ARHGEF12: variants seen among roughly 807,000 people sequenced by gnomAD.
The protein encoded by ARHGEF12 is Rho guanine nucleotide exchange factor 12, also known as KMT2A/ARHGEF12 fusion protein.
ARHGEF12 carries 66 observed loss-of-function variants against 211.2 expected under a neutral mutation model. The ratio of observed to expected loss-of-function variants is 0.31; its 90% confidence interval spans 0.26 to 0.38. ARHGEF12 has a LOEUF of 0.38. Ranked by LOEUF, ARHGEF12 falls within the 10% of genes least tolerant of loss-of-function variation. ARHGEF12 has a pLI of 1.00. For synonymous variants in ARHGEF12, 592 were observed against 638.4 expected (o/e 0.93, Z 1.09); for missense variants, 1,429 against 1,869.5 (o/e 0.76, Z 4.34).
At chr11:120,450,632 G>A (rs1946182038) in intron 21 of ARHGEF12, 2 of 152,288 alleles carry the variant, frequency 1.3e-5, no homozygotes, top group South Asian at 2.1e-4. Flanking sequence ...GTGTGAGGGT[G>A]TAGGATGCTT....
At position 120,429,733 on chromosome 11, in the gene ARHGEF12, C is replaced by T. The variant is rs765313410; in HGVS notation, c.685C>T (p.Arg229Ter). The T allele has an allele frequency of 6.2e-7, 1 of 1,613,324 alleles. No homozygotes were observed. The highest frequency in any genetic ancestry group is 2.2e-5 in the East Asian group (1 of 44,848). ...RLQLLQEDYN[R>*]TPAQRLLKEI... ...TCAGTTATTGCAGGAAGATTACAACCGAACACCTGCCCAAAGATTGCTAAA... is the reference window on the plus strand; with the variant it reads ...TCAGTTATTGCAGGAAGATTACAACTGAACACCTGCCCAAAGATTGCTAAA... Residue 229 changes from arginine to a stop codon, truncating the protein, a stop_gained, in exon 10 of 41, where the codon CGA becomes TGA. Transcript: ENST00000397843. LOFTEE classifies it high-confidence loss of function.
chr11:120,389,529 T>C (rs567758495), intron 1 of ARHGEF12, among the ~76,000 whole-genome samples: 3 of 152,222 alleles, frequency 2.0e-5, no homozygotes, highest in Non-Finnish European at 4.4e-5. Context: ...TATTTTGATA[T>C]AGGCATGCAA....
intron 1 of ARHGEF12, among the ~76,000 whole-genome samples, chr11:120,342,286 C>A (rs1251353464): frequency 6.6e-6 from 1 of 152,084 alleles, no homozygotes; most frequent in East Asian, 1.9e-4. Flanking sequence ...GAGGATAAAG[C>A]TTTTGTCACT....
chr11:120,347,248 C>A (rs931900617), intron 1 of ARHGEF12, among the ~76,000 whole-genome samples: 1 of 108,376 alleles, frequency 9.2e-6, no homozygotes, highest in African/African-American at 3.8e-5. Flanking sequence ...CTCTCTGTTT[C>A]TCTCTCTCTC....
intron 1 of ARHGEF12, among the ~76,000 whole-genome samples, chr11:120,381,684 C>A (rs1943884091): frequency 6.6e-6 from 1 of 152,126 alleles, no homozygotes; most frequent in Non-Finnish European, 1.5e-5. Context: ...TGTTGAAGTT[C>A]ACTCTTTGTA....
rs1210762441 is a variant in ARHGEF12, at chr11:120,446,978, T to C, written c.1482T>C (p.Ala494=). 6.2e-7 allele frequency: 1 copy of C among 1,614,204 alleles called. No individual in the cohort carries two copies. Among genetic ancestry groups the C allele is most frequent in the Non-Finnish European group, 8.5e-7 (1 of 1,180,020 alleles). The change falls in exon 18 of 41, where the codon GCT becomes GCC. Residue 494 remains alanine, a synonymous_variant. Coordinates refer to ENST00000397843, the MANE Select transcript of ARHGEF12 (RefSeq NM_015313.3). ...AACGTAGTATGGGACTGACCTTGGC[T>C]GAAAGCGAGCTGACTAAACTTGATG... ...RQKRSMGLTL[A]ESELTKLDAE...
intron 1 of ARHGEF12, among the ~76,000 whole-genome samples, chr11:120,342,951 G>A (rs1358130129): frequency 2.0e-5 from 3 of 151,958 alleles, no homozygotes. Flanking sequence ...TTTTCAGTTC[G>A]TTATCTTAAA....
chr11:120,357,768 C>T (rs1352067611), intron 1 of ARHGEF12, among the ~76,000 whole-genome samples: 2 of 152,156 alleles, frequency 1.3e-5, no homozygotes, highest in African/African-American at 4.8e-5. Context: ...CAAGGTTTTG[C>T]TGTGTTGGCC....
At chr11:120,409,525 C>G in intron 4 of ARHGEF12, 75 bp downstream of exon 4, 2 of 1,346,478 alleles carry the variant, frequency 1.5e-6, no homozygotes, top group Non-Finnish European at 2.1e-6. Flanking sequence ...TCTTTTTTTC[C>G]TTTCTTTCTT....
At position 120,447,957 on chromosome 11, in the gene ARHGEF12, GT is replaced by G. The variant is rs367818189; in HGVS notation, c.1622+58del. On this transcript the variant is annotated intron_variant, in intron 19 of 40. Transcript: ENST00000397843. ...AGAATTTTAAGAAAAAAAGAACTAT[GT>G]TTTTTTCCTTTCAGTCCTAAATTAC... 5.6e-5 allele frequency: 77 copies of G among 1,371,798 alleles called. No homozygotes were observed. In the Middle Eastern group the frequency reaches 9.4e-4, roughly 17 times the overall value. 85.0% of individuals were successfully genotyped at this position (1,371,798 alleles called of 1,614,324 possible).
chr11:120,405,634 A>G (rs1944677669), intron 1 of ARHGEF12, among the ~76,000 whole-genome samples: 1 of 152,218 alleles, frequency 6.6e-6, no homozygotes, highest in East Asian at 1.9e-4. Context: ...TTTGGGAAGT[A>G]GTGTGAAGTG....
chr11:120,341,508 G>A (rs959979037), intron 1 of ARHGEF12, among the ~76,000 whole-genome samples: 2 of 152,158 alleles, frequency 1.3e-5, no homozygotes, highest in African/African-American at 2.4e-5. Flanking sequence ...AAAACAGTTG[G>A]AAAATATTTC....
intron 7 of ARHGEF12, among the ~76,000 whole-genome samples, chr11:120,426,273 A>AT (rs1945344632): frequency 6.6e-6 from 1 of 152,174 alleles, no homozygotes; most frequent in Non-Finnish European, 1.5e-5. Context: ...TCTAGGTTAT[A>AT]TTTTTTGCTC....
intron 7 of ARHGEF12, among the ~76,000 whole-genome samples, chr11:120,427,713 T>C (rs1444783540): frequency 1.3e-5 from 2 of 151,842 alleles, no homozygotes; most frequent in South Asian, 4.2e-4. Context: ...TTTAAGAAAT[T>C]AATTAAACAT....
chr11:120,344,355 G>A (rs1942638119), intron 1 of ARHGEF12, among the ~76,000 whole-genome samples: 2 of 149,926 alleles, frequency 1.3e-5, no homozygotes, highest in Non-Finnish European at 2.9e-5. Flanking sequence ...AATGCAGAAA[G>A]TGGCTATATG....
At chr11:120,364,791 A>T (rs1433403739) in intron 1 of ARHGEF12, among the ~76,000 whole-genome samples, 7 of 152,046 alleles carry the variant, frequency 4.6e-5, no homozygotes, top group African/African-American at 1.7e-4. Flanking sequence ...TGATGCTTTT[A>T]AAAAGACTTC....
intron 1 of ARHGEF12, among the ~76,000 whole-genome samples, chr11:120,378,317 G>T (rs1035304763): frequency 6.6e-6 from 1 of 152,132 alleles, no homozygotes; most frequent in Admixed American, 6.5e-5. Context: ...TCTCTTTTGT[G>T]AAGTGTCTGT....
intron 1 of ARHGEF12, among the ~76,000 whole-genome samples, chr11:120,397,810 T>A (rs190106575): frequency 6.6e-6 from 1 of 152,188 alleles, no homozygotes; most frequent in Admixed American, 6.5e-5. Flanking sequence ...TGTAAACATA[T>A]GTTGATATTT....
chr11:120,476,886 A>G (rs1460340444), intron 34 of ARHGEF12, 138 bp downstream of exon 34: 1 of 656,348 alleles, frequency 1.5e-6, no homozygotes, highest in Non-Finnish European at 2.5e-6. Flanking sequence ...ACGTTCTACT[A>G]TGAACTTGTT....
Sources: gnomAD v4.1 joint callset for allele counts (sites outside exome capture counted in the v4.1 genomes callset) on GRCh38, gnomAD v4.1.1 for gene constraint, MANE v1.5 for transcripts, NCBI Gene and HGNC (gene_info 2026-07-23, HGNC 2026-07-21) for gene names.